Variants in MMP16 observed in about 807,000 individuals in gnomAD.
The protein encoded by MMP16 is matrix metalloproteinase-16.
Under a neutral mutation model 67.8 loss-of-function variants are expected in MMP16, and 12 were observed. The ratio of observed to expected loss-of-function variants is 0.18; its 90% CI spans 0.11 to 0.29. The LOEUF (loss-of-function observed/expected upper bound fraction) is 0.29, where lower values mean the gene tolerates loss of function less well. Among genes scored for constraint, MMP16 ranks in the 10% least tolerant of loss-of-function variants. The probability of loss-of-function intolerance (pLI) is 1.00; values close to 1 mark genes in which losing one functional copy is unlikely to be tolerated. For missense variants in MMP16, 475 were observed against 765.7 expected (o/e 0.62, Z 4.48); for synonymous variants, 249 against 255.9 (o/e 0.97, Z 0.26).
At chr8:88,219,750 T>C (rs942374171) in intron 1 of MMP16, among the ~76,000 whole-genome samples, 3 of 152,150 alleles carry the variant, frequency 2.0e-5, no homozygotes, top group African/African-American at 7.2e-5. Flanking sequence ...GTGGACATTG[T>C]AGCTTCAAAT....
At chr8:88,260,601 A>G (rs1407933692) in intron 1 of MMP16, among the ~76,000 whole-genome samples, 1 of 152,140 alleles carries the variant, frequency 6.6e-6, no homozygotes, top group Non-Finnish European at 1.5e-5. Flanking sequence ...TCAGTTTACA[A>G]ATAAAATTCA....
intron 1 of MMP16, among the ~76,000 whole-genome samples, chr8:88,251,086 G>A (rs1167250980): frequency 2.6e-5 from 4 of 151,756 alleles, no homozygotes; most frequent in Non-Finnish European, 5.9e-5. Context: ...TTTCATCCAT[G>A]TCCCTACAAA....
At chr8:88,094,513 A>G (rs1808993576) in intron 6 of MMP16, among the ~76,000 whole-genome samples, 1 of 151,666 alleles carries the variant, frequency 6.6e-6, no homozygotes, top group Non-Finnish European at 1.5e-5. Context: ...AAGAAACAGT[A>G]TCTTTCTCCC....
In MMP16 at chr8:88,033,109, G is replaced by A. The variant is rs1446117369; in HGVS notation, c.*8352C>T. 1 of 151,594 alleles carries A rather than the reference G, an allele frequency of 6.6e-6. No individual in the cohort carries two copies. The highest frequency in any genetic ancestry group is 2.4e-5 in the African/African-American group (1 of 41,302). The allele number at this position is 151,594 out of a possible 1,614,324, so 9.4% of individuals were successfully genotyped here. A position where few individuals can be genotyped will look rare whatever the true frequency, so the allele number is the denominator to read the frequency against. On this transcript the variant is annotated 3_prime_UTR_variant, in exon 10 of 10. Transcript: ENST00000286614. ...TTTCCCATAACCACAATATAGAAAG[G>A]AAAAAATTAGTTTCACAAGAAGCTA...
rs1480183833 is a variant in MMP16, at chr8:88,058,506, T to TA, written c.1223-2229dup. Among the ~76,000 whole-genome samples the TA allele has an allele frequency of 6.6e-6, 1 of 152,146 alleles. No homozygotes were observed. The highest frequency in any genetic ancestry group is 2.4e-5 in the African/African-American group (1 of 41,538). On this transcript the variant is annotated intron_variant, in intron 7 of 9. Coordinates refer to ENST00000286614, the MANE Select transcript of MMP16 (RefSeq NM_005941.5). The surrounding 1 kb of genome is among the most constrained non-coding windows in gnomAD (Gnocchi z 4.2). ...AGTGAGTATGAATCAAACAGATGAA[T>TA]AAATTAAAACTTCAGAAAGCAAAGT... is the stretch of plus-strand genomic sequence containing the variant.
intron 1 of MMP16, 79 bp downstream of exon 1, chr8:88,326,996 A>C (rs1430904163): frequency 1.9e-6 from 3 of 1,575,094 alleles, no homozygotes; most frequent in African/African-American, 1.4e-5. Flanking sequence ...TCTGAGCTAC[A>C]AGGATCCCAG....
intron 1 of MMP16, among the ~76,000 whole-genome samples, chr8:88,267,049 G>T (rs146112841): frequency 7.2e-5 from 11 of 152,256 alleles, no homozygotes; most frequent in African/African-American, 2.2e-4. Flanking sequence ...GGCACTTGTG[G>T]ACAACTAAGA....
chr8:88,247,217 G>T (rs1238435682), intron 1 of MMP16, among the ~76,000 whole-genome samples: 1 of 152,112 alleles, frequency 6.6e-6, no homozygotes, highest in Non-Finnish European at 1.5e-5. Flanking sequence ...ATATAATACA[G>T]TAGGAAAATT....
intron 4 of MMP16, among the ~76,000 whole-genome samples, chr8:88,161,440 T>C (rs928244228): frequency 2.6e-5 from 4 of 152,120 alleles, no homozygotes; most frequent in Admixed American, 6.6e-5. Flanking sequence ...CTTCTCTCTT[T>C]TCTTCTTTAT....
intron 3 of MMP16, among the ~76,000 whole-genome samples, chr8:88,175,171 T>C (rs1356259046): frequency 6.6e-6 from 1 of 152,128 alleles, no homozygotes; most frequent in Non-Finnish European, 1.5e-5. Flanking sequence ...AGAGAAAAAT[T>C]AGCATCACCA....
intron 4 of MMP16, among the ~76,000 whole-genome samples, chr8:88,137,198 T>A (rs1420325774): frequency 6.6e-6 from 1 of 151,904 alleles, no homozygotes; most frequent in Admixed American, 6.6e-5. Flanking sequence ...TGAAGTCTTT[T>A]ATCTATTTTC....
chr8:88,167,248 A>C (rs1408573206), intron 4 of MMP16, among the ~76,000 whole-genome samples: 1 of 152,062 alleles, frequency 6.6e-6, no homozygotes, highest in Non-Finnish European at 1.5e-5. Context: ...AAAATAATGT[A>C]GAAAAGATAT....
At chr8:88,221,991 A>AT (rs549363918) in intron 1 of MMP16, among the ~76,000 whole-genome samples, 83 of 152,068 alleles carry the variant, frequency 5.5e-4, no homozygotes, top group African/African-American at 1.8e-3. Context: ...ATACTTGTTC[A>AT]TTTTTTTATT....
intron 8 of MMP16, among the ~76,000 whole-genome samples, chr8:88,055,499 C>T (rs750330906): frequency 3.3e-5 from 5 of 152,188 alleles, no homozygotes; most frequent in Non-Finnish European, 5.9e-5. Context: ...TGAGCCAACA[C>T]GCCCAGCCTT....
rs887116624 is a variant in MMP16, at chr8:88,327,312, A to G, written c.-106T>C. The G allele has an allele frequency of 8.7e-6, 13 of 1,492,464 alleles. No individual in the cohort carries two copies. The East Asian group carries it at 2.8e-4, about 32-fold the overall frequency. 92.5% of individuals were successfully genotyped at this position (1,492,464 alleles called of 1,614,324 possible). A position where few individuals can be genotyped will look rare whatever the true frequency, so the allele number is the denominator to read the frequency against. ...TCAAAAAAAAGTCCTCCGGGTGGGTAAGGAGCCTGCAGGTTCACCCACAGC... is the reference window on the plus strand; with the variant it reads ...TCAAAAAAAAGTCCTCCGGGTGGGTGAGGAGCCTGCAGGTTCACCCACAGC... On this transcript the variant is annotated 5_prime_UTR_variant, in exon 1 of 10. Coordinates refer to ENST00000286614, the MANE Select transcript of MMP16 (RefSeq NM_005941.5).
intron 1 of MMP16, among the ~76,000 whole-genome samples, chr8:88,202,631 A>C (rs1435033312): frequency 6.6e-6 from 1 of 152,030 alleles, no homozygotes; most frequent in African/African-American, 2.4e-5. Flanking sequence ...TATAGTGTAC[A>C]TGCACATACA....
chr8:88,072,026 C>T, intron 7 of MMP16, among the ~76,000 whole-genome samples: 1 of 151,896 alleles, frequency 6.6e-6, no homozygotes, highest in South Asian at 2.1e-4. Context: ...ATACAGATAA[C>T]AATTAAAATA....
At chr8:88,128,263 T>G (rs560612171) in intron 4 of MMP16, among the ~76,000 whole-genome samples, 20 of 151,996 alleles carry the variant, frequency 1.3e-4, no homozygotes, top group Admixed American at 3.3e-4. Flanking sequence ...CATACACATT[T>G]GGACACCAGA....
intron 6 of MMP16, among the ~76,000 whole-genome samples, chr8:88,111,703 A>G (rs1345562396): frequency 6.6e-6 from 1 of 151,754 alleles, no homozygotes; most frequent in African/African-American, 2.4e-5. Context: ...AGTATTGACA[A>G]CAGACTGAAA....
Sources: allele counts gnomAD v4.1 joint callset (sites outside exome capture counted in the v4.1 genomes callset), GRCh38; gene constraint gnomAD v4.1.1; non-coding constraint Gnocchi (gnomAD v3.1); transcripts MANE v1.5; gene names NCBI Gene and HGNC (gene_info 2026-07-23, HGNC 2026-07-21).